Variants in SKAP2 observed in about 807,000 individuals in gnomAD.
SKAP2 encodes the protein src kinase associated phosphoprotein 2, also known as src kinase-associated phosphoprotein 2.
A neutral mutation model predicts 54.9 loss-of-function variants in SKAP2; 28 were observed. The ratio of observed to expected loss-of-function variants is 0.51; its 90% confidence interval spans 0.38 to 0.70. SKAP2 has a LOEUF of 0.70. Among genes scored for constraint, SKAP2 ranks in the 30% least tolerant of loss-of-function variants. The pLI is 0.00. For synonymous variants in SKAP2, 137 were observed against 134.3 expected, an observed-to-expected ratio of 1.02 and a Z score of -0.14; for missense variants, 356 against 424.1, an observed-to-expected ratio of 0.84 and a Z score of 1.41.
chr7:26,840,207 G>A (rs1002770212), intron 4 of SKAP2, among the ~76,000 whole-genome samples: 16 of 151,962 alleles, frequency 1.1e-4, no homozygotes, highest in African/African-American at 3.9e-4. Flanking sequence ...CTTCATTTTA[G>A]CCTTCCTGTA....
chr7:26,819,167 C>T (rs570938975), intron 4 of SKAP2, among the ~76,000 whole-genome samples: 65 of 152,270 alleles, frequency 4.3e-4, no homozygotes, highest in Middle Eastern at 6.8e-3. Context: ...GACTTGGAAC[C>T]AACCCAAATG....
intron 9 of SKAP2, among the ~76,000 whole-genome samples, chr7:26,693,254 C>G (rs567138327): frequency 6.8e-6 from 1 of 147,734 alleles, no homozygotes; most frequent in East Asian, 2.0e-4. Context: ...ATCGCTTGAA[C>G]CTGGGAGGCG....
intron 4 of SKAP2, among the ~76,000 whole-genome samples, chr7:26,766,420 G>A (rs1783057079): frequency 6.6e-6 from 1 of 152,308 alleles, no homozygotes; most frequent in South Asian, 2.1e-4. Flanking sequence ...TCTACAAACA[G>A]AGACAATTTT....
chr7:26,689,814 C>T (rs1045275730), intron 10 of SKAP2, among the ~76,000 whole-genome samples: 7 of 152,180 alleles, frequency 4.6e-5, no homozygotes, highest in Non-Finnish European at 1.0e-4. Context: ...GAGATGTCTA[C>T]ATTGCCAGTC....
At chr7:26,818,120 G>A (rs572259568) in intron 4 of SKAP2, among the ~76,000 whole-genome samples, 43 of 152,114 alleles carry the variant, frequency 2.8e-4, no homozygotes, top group Non-Finnish European at 4.9e-4. Flanking sequence ...AAAAGAACCC[G>A]TATAGCCAAG....
intron 1 of SKAP2, among the ~76,000 whole-genome samples, chr7:26,858,477 A>G (rs1028120372): frequency 2.0e-5 from 3 of 152,230 alleles, no homozygotes; most frequent in African/African-American, 7.2e-5. Flanking sequence ...GTCTGAAAAC[A>G]AAATTAAAAG....
rs1344009166 is a variant in SKAP2 at position 26,669,390 on chromosome 7, C to T, written c.*276G>A. On this transcript the variant is annotated 3_prime_UTR_variant, in exon 13 of 13. Transcript: ENST00000345317. ...ACGTATAAAATAGTGATGAATTCTT[C>T]ACACAAATCAAATGGGTAAATAAAA... 6.6e-6 allele frequency: 1 copy of T among 152,090 alleles called. No homozygotes were observed. Among genetic ancestry groups the T allele is most frequent in the East Asian group, 1.9e-4 (1 of 5,198 alleles). 9.4% of individuals were successfully genotyped at this position (152,090 alleles called of 1,614,324 possible). A position where few individuals can be genotyped will look rare whatever the true frequency, so the allele number is the denominator to read the frequency against.
intron 6 of SKAP2, among the ~76,000 whole-genome samples, chr7:26,737,256 T>C (rs1787962497): frequency 1.3e-5 from 2 of 152,346 alleles, no homozygotes; most frequent in South Asian, 4.1e-4. Context: ...CTATGATCTG[T>C]GATAATCGTA....
At chr7:26,861,977 G>T (rs188061248) in intron 1 of SKAP2, among the ~76,000 whole-genome samples, 1 of 151,918 alleles carries the variant, frequency 6.6e-6, no homozygotes, top group East Asian at 1.9e-4. Context: ...CTCTACCTTG[G>T]AATTCTAGCA....
Position 26,729,951 on chromosome 7 carries a change from G to A in SKAP2, c.470-2945C>T, listed in dbSNP as rs144936837. On this transcript the variant is annotated intron_variant, in intron 6 of 12. Coordinates refer to ENST00000345317, the MANE Select transcript of SKAP2 (RefSeq NM_003930.5). ...AATATCTAGACCTATCCAACTGATT[G>A]TTTGTATTTGAGGATAAACAATTAT... Among the ~76,000 whole-genome samples the A allele has an allele frequency of 5.2e-3, 785 of 152,278 alleles. 2 individuals carry two copies. The highest frequency in any genetic ancestry group is 8.7e-3 in the Non-Finnish European group (590 of 68,018).
chr7:26,833,167 GGC>G (rs1784631186), intron 4 of SKAP2, among the ~76,000 whole-genome samples: 1 of 152,046 alleles, frequency 6.6e-6, no homozygotes, highest in South Asian at 2.1e-4. Context: ...CTGTGAGGCG[GGC>G]GGATCACAAG....
chr7:26,795,252 C>T (rs1354294945), intron 4 of SKAP2, among the ~76,000 whole-genome samples: 1 of 152,168 alleles, frequency 6.6e-6, no homozygotes, highest in Non-Finnish European at 1.5e-5. Context: ...TAGTTATATA[C>T]AACCAAAGAG....
intron 4 of SKAP2, among the ~76,000 whole-genome samples, chr7:26,793,010 C>T (rs1363719213): frequency 6.6e-6 from 1 of 152,034 alleles, no homozygotes; most frequent in African/African-American, 2.4e-5. Context: ...ATGATTTTTC[C>T]CTTTAAGAAA....
chr7:26,747,139 T>C (rs1046297362), intron 4 of SKAP2, among the ~76,000 whole-genome samples: 5 of 150,970 alleles, frequency 3.3e-5, no homozygotes, highest in Non-Finnish European at 5.9e-5. Context: ...CTAATTGTGT[T>C]ACTTTAGCAT....
rs536241710 is a variant in SKAP2 at position 26,812,349 on chromosome 7, C to A, written c.307+31681G>T. Among the ~76,000 whole-genome samples the A allele has an allele frequency of 6.1e-4, 93 of 152,280 alleles. 1 individual carries two copies. The highest frequency in any genetic ancestry group is 2.1e-3 in the African/African-American group (88 of 41,570). On this transcript the variant is annotated intron_variant, in intron 4 of 12. Transcript: ENST00000345317. ...ATGTTAATGTCTGCACTTGCTTTAA[C>A]TTCCCTAAATCCCAAAACATGTTTC...
intron 9 of SKAP2, among the ~76,000 whole-genome samples, chr7:26,711,572 A>C (rs112953439): frequency 6.6e-6 from 1 of 152,216 alleles, no homozygotes; most frequent in Non-Finnish European, 1.5e-5. Context: ...CAGTTGATGA[A>C]GGCAGTCCAG....
chr7:26,707,135 G>A (rs1787178753), intron 9 of SKAP2, among the ~76,000 whole-genome samples: 1 of 152,106 alleles, frequency 6.6e-6, no homozygotes, highest in Non-Finnish European at 1.5e-5. Context: ...CAAGGCAGGT[G>A]GATTGCTTGA....
chr7:26,790,777 T>G (rs1310728340), intron 4 of SKAP2, among the ~76,000 whole-genome samples: 1 of 152,182 alleles, frequency 6.6e-6, no homozygotes, highest in East Asian at 1.9e-4. Context: ...TTTTCTCACT[T>G]TCAAAACAAT....
intron 6 of SKAP2, among the ~76,000 whole-genome samples, chr7:26,736,532 CA>C (rs928436553): frequency 6.6e-6 from 1 of 152,296 alleles, no homozygotes; most frequent in African/African-American, 2.4e-5. Context: ...CAAGAAGTAA[CA>C]ATAAGTGTAA....
Sources: gnomAD v4.1 joint callset for allele counts (sites outside exome capture counted in the v4.1 genomes callset) on GRCh38, gnomAD v4.1.1 for gene constraint, MANE v1.5 for transcripts, NCBI Gene and HGNC (gene_info 2026-07-23, HGNC 2026-07-21) for gene names.